Variants in NCF2 observed in about 807,000 individuals in gnomAD.
NCF2 encodes the protein neutrophil cytosolic factor 2.
A neutral mutation model predicts 70.9 loss-of-function variants in NCF2; 45 were observed. The observed-to-expected ratio is 0.63, with a 90% CI of 0.50 to 0.81. NCF2 has a LOEUF of 0.81. NCF2 is among the 40% of genes least tolerant of loss of function. The pLI is 0.00. For missense variants in NCF2, 522 were observed against 631.6 expected (o/e 0.83, Z 1.86); for synonymous variants, 203 against 233.6 (o/e 0.87, Z 1.19).
chr1:183,575,590 G>T (rs1426688429), intron 3 of NCF2, among the ~76,000 whole-genome samples: 1 of 152,134 alleles, frequency 6.6e-6, no homozygotes, highest in Non-Finnish European at 1.5e-5. Context: ...CTAAAAAATG[G>T]CCCGACTGAA....
chr1:183,570,222 CT>C (rs1243152954), intron 6 of NCF2, among the ~76,000 whole-genome samples: 1 of 152,228 alleles, frequency 6.6e-6, no homozygotes, highest in Non-Finnish European at 1.5e-5. Context: ...CAAGGAAGCT[CT>C]GTGTGCATTT....
chr1:183,585,992 A>G (rs920014956), intron 2 of NCF2, among the ~76,000 whole-genome samples: 2 of 152,254 alleles, frequency 1.3e-5, no homozygotes, highest in Admixed American at 1.3e-4. Flanking sequence ...TTATTCTGTG[A>G]TACAGAAATG....
At chr1:183,562,600 C>T (rs1333040153) in intron 13 of NCF2, among the ~76,000 whole-genome samples, 3 of 152,018 alleles carry the variant, frequency 2.0e-5, no homozygotes, top group Non-Finnish European at 4.4e-5. Context: ...TTTGGGAGGC[C>T]GAGGCAGGTG....
At position 183,563,295 on chromosome 1, in the gene NCF2, C is replaced by T. The variant is rs370251291; in HGVS notation, c.1190G>A (p.Arg397Gln). 2.5e-6 allele frequency: 4 copies of T among 1,613,964 alleles called. No individual in the cohort carries two copies. The highest frequency in any genetic ancestry group is 1.7e-5 in the Admixed American group (1 of 59,986). Residue 397 changes from arginine (R) to glutamine (Q), a missense_variant, in exon 13 of 15, where the codon CGG becomes CAG. Arg to Gln is a conservative substitution (Grantham distance 43). Coordinates refer to ENST00000367535, the MANE Select transcript of NCF2 (RefSeq NM_000433.4). ...AAGGGGCACCAGCTCATTGCTGTCC[C>T]GAGGCCGATAGCTGGGTGGGGATAA... Reference protein sequence around the residue: ...LEHTKLSYRPRDSNELVPLSE... With the variant: ...LEHTKLSYRPQDSNELVPLSE...
intron 10 of NCF2, among the ~76,000 whole-genome samples, chr1:183,564,297 C>G (rs1672211411): frequency 6.6e-6 from 1 of 152,152 alleles, no homozygotes; most frequent in Admixed American, 6.5e-5. Context: ...CCTCACCAAC[C>G]CACAAGGTTA....
chr1:183,577,897 T>C lies in NCF2; in HGVS notation c.258-190A>G, dbSNP rs10797888. Among the ~76,000 whole-genome samples the C allele has an allele frequency of 0.089, 13,525 of 152,134 alleles. 741 individuals are homozygous for C. The highest frequency in any genetic ancestry group is 0.14 in the Admixed American group (2,204 of 15,284). Reference sequence around the variant, plus strand: ...CTATACAACTCCTTGGGAATGGTGTTCCCCCCAGGGCTGTGCCTCAAAGCA... The same window carrying C: ...CTATACAACTCCTTGGGAATGGTGTCCCCCCCAGGGCTGTGCCTCAAAGCA... On this transcript the variant is annotated intron_variant, in intron 2 of 14. Coordinates refer to ENST00000367535, the MANE Select transcript of NCF2 (RefSeq NM_000433.4).
At chr1:183,576,173 T>C (rs893556418) in intron 3 of NCF2, among the ~76,000 whole-genome samples, 5 of 152,056 alleles carry the variant, frequency 3.3e-5, no homozygotes, top group African/African-American at 9.7e-5. Flanking sequence ...GGATTATAAG[T>C]AGGGAAATGA....
the NCF2 span, among the ~76,000 whole-genome samples, chr1:183,599,411 T>TTTCTTTCCTTCC: frequency 7.5e-6 from 1 of 132,618 alleles, no homozygotes; most frequent in Non-Finnish European, 1.7e-5. Flanking sequence ...TTTTTCTTTC[T>TTTCTTTCCTTCC]TTCTTTCTTT....
At chr1:183,585,273 A>AG (rs1477309040) in intron 2 of NCF2, among the ~76,000 whole-genome samples, 1 of 151,778 alleles carries the variant, frequency 6.6e-6, no homozygotes, top group African/African-American at 2.4e-5. Context: ...TGCTCCATCC[A>AG]CGCCCGGCCT....
chr1:183,586,515 A>G (rs542077902), intron 2 of NCF2, among the ~76,000 whole-genome samples: 1 of 152,276 alleles, frequency 6.6e-6, no homozygotes, highest in Non-Finnish European at 1.5e-5. Flanking sequence ...TTTTGCTGGG[A>G]TGAAGCCAGG....
chr1:183,593,994 G>A (rs1234342260), upstream of NCF2, among the ~76,000 whole-genome samples: 2 of 152,196 alleles, frequency 1.3e-5, no homozygotes, highest in African/African-American at 2.4e-5. Flanking sequence ...TCTGGAATAT[G>A]GCAGCTGTCT....
chr1:183,559,467 A>T (rs1297014352), intron 14 of NCF2, among the ~76,000 whole-genome samples: 2 of 152,262 alleles, frequency 1.3e-5, no homozygotes, highest in Non-Finnish European at 2.9e-5. Context: ...AGAAGGTCAT[A>T]CAGCTTGATG....
In NCF2 at chr1:183,562,895, T is replaced by C. The variant is rs1330791155; in HGVS notation, c.1290+300A>G. 2.0e-5 allele frequency among the ~76,000 whole-genome samples: 3 copies of C among 151,874 alleles called. No individual in the cohort carries two copies. In the South Asian group the frequency reaches 6.3e-4, roughly 32 times the overall value. ...GCTATGATATGACTTCATTCCAACC[T>C]TGCTTGACAGTAATGGATGGGATGT... On this transcript the variant is annotated intron_variant, in intron 13 of 14. Transcript: ENST00000367535.
chr1:183,585,346 C>T (rs2102930281), intron 2 of NCF2, among the ~76,000 whole-genome samples: 1 of 152,278 alleles, frequency 6.6e-6, no homozygotes, highest in East Asian at 1.9e-4. Context: ...CTTTATTAGG[C>T]TGGGCTCAGT....
chr1:183,590,256 G>T lies in NCF2; in HGVS notation c.74C>A (p.Ala25Asp), dbSNP rs761962182. The T allele has an allele frequency of 6.2e-7, 1 of 1,614,108 alleles. No individual in the cohort carries two copies. Among genetic ancestry groups the T allele is most frequent in the Admixed American group, 1.7e-5 (1 of 60,016 alleles). Residue 25 changes from alanine to aspartate, a missense_variant, in exon 1 of 15, where the codon GCC (alanine) becomes GAC (aspartate). Coordinates refer to ENST00000367535, the MANE Select transcript of NCF2 (RefSeq NM_000433.4). Reference protein sequence around the residue: ...LAADKKDWKGALDAFSAVQDP... With the variant: ...LAADKKDWKGDLDAFSAVQDP... ...CTGGACGGCACTGAAGGCATCCAGG[G>T]CTCCCTTCCAGTCCTTCTTGTCCGC...
intron 2 of NCF2, among the ~76,000 whole-genome samples, chr1:183,584,437 C>T (rs1673247175): frequency 6.6e-6 from 1 of 152,144 alleles, no homozygotes; most frequent in South Asian, 2.1e-4. Flanking sequence ...GTAGATTTTT[C>T]TCTCAGGTGT....
chr1:183,557,666 C>T (rs963870091), intron 14 of NCF2, among the ~76,000 whole-genome samples: 7 of 152,160 alleles, frequency 4.6e-5, no homozygotes, highest in African/African-American at 4.8e-5. Context: ...CATAGTAAGA[C>T]GCATACTGGC....
At chr1:183,579,411 C>G (rs925700181) in intron 2 of NCF2, among the ~76,000 whole-genome samples, 2 of 152,078 alleles carry the variant, frequency 1.3e-5, no homozygotes, top group Admixed American at 6.5e-5. Flanking sequence ...TTCCCTAAGT[C>G]TGTTTCCCCA....
chr1:183,592,653 ATAAT>A (rs1455170690), upstream of NCF2, among the ~76,000 whole-genome samples: 1 of 152,250 alleles, frequency 6.6e-6, no homozygotes, highest in Non-Finnish European at 1.5e-5. Context: ...TAGTGAATAA[ATAAT>A]CAGGACTTGA....
Sources: gnomAD v4.1 joint callset for allele counts (sites outside exome capture counted in the v4.1 genomes callset) on GRCh38, gnomAD v4.1.1 for gene constraint, MANE v1.5 for transcripts, NCBI Gene and HGNC (gene_info 2026-07-23, HGNC 2026-07-21) for gene names.